Variants in NELL1 observed in about 807,000 individuals in gnomAD.
NELL1 encodes neural EGFL like 1.
NELL1 carries 76 observed loss-of-function variants against 107.4 expected under a neutral mutation model. The observed-to-expected ratio is 0.71, with a 90% confidence interval of 0.59 to 0.86. The LOEUF is 0.86. NELL1 is among the 40% of genes least tolerant of loss of function. The pLI is 0.00. For synonymous variants in NELL1, 353 were observed against 341.2 expected (o/e 1.03, Z -0.38); for missense variants, 1,024 against 1,005.5 (o/e 1.02, Z -0.25).
At chr11:20,831,512 A>C (rs1280767879) in intron 3 of NELL1, among the ~76,000 whole-genome samples, 3 of 152,230 alleles carry the variant, frequency 2.0e-5, no homozygotes, top group Non-Finnish European at 2.9e-5. Flanking sequence ...GTGGAGATGA[A>C]GAACATAACA....
At chr11:21,173,457 T>C (rs1214253060) in intron 13 of NELL1, among the ~76,000 whole-genome samples, 8 of 151,840 alleles carry the variant, frequency 5.3e-5, no homozygotes, top group Admixed American at 3.3e-4. Context: ...GAATGATACT[T>C]TTTCTTTCCT....
At chr11:21,503,001 A>G (rs973627233) in intron 15 of NELL1, among the ~76,000 whole-genome samples, 5 of 151,946 alleles carry the variant, frequency 3.3e-5, no homozygotes, top group Non-Finnish European at 7.4e-5. Context: ...TCCTGCCTCA[A>G]CCTCCCGAGT....
intron 14 of NELL1, among the ~76,000 whole-genome samples, chr11:21,334,903 A>G (rs1328359821): frequency 5.9e-5 from 9 of 151,956 alleles, no homozygotes; most frequent in Admixed American, 5.9e-4. Flanking sequence ...AGAAAAAAAC[A>G]GATAAAATGC....
intron 15 of NELL1, among the ~76,000 whole-genome samples, chr11:21,505,361 A>AAAAC (rs1419289105): frequency 9.2e-5 from 14 of 152,184 alleles, no homozygotes; most frequent in Non-Finnish European, 2.1e-4. Flanking sequence ...TGATCTTTTC[A>AAAAC]AAACAGAAAT....
chr11:21,268,028 G>A (rs887198384), intron 14 of NELL1, among the ~76,000 whole-genome samples: 3 of 151,686 alleles, frequency 2.0e-5, no homozygotes, highest in African/African-American at 7.3e-5. Flanking sequence ...TTGTCTTTTA[G>A]TTAGAAAATT....
rs1853848037 is a variant in NELL1 at position 20,669,771 on chromosome 11, C to T, written c.48C>T (p.Ala16=). 1 of 1,613,378 alleles carries T rather than the reference C, an allele frequency of 6.2e-7. No homozygotes were observed. Among genetic ancestry groups the T allele is most frequent in the Non-Finnish European group, 8.5e-7 (1 of 1,179,474 alleles). ...ILVVWFCVCT[A]RTVVGFGMDP... is the part of the protein sequence containing the mutation. The stretch of plus-strand genomic sequence containing the variant: ...TTGTGTGGTTCTGTGTGTGCACTGC[C>T]AGGACAGGTAAGCATGACTGTGGCG... Residue 16 remains alanine (A), a synonymous_variant, in exon 1 of 20, where the codon GCC becomes GCT. Transcript: ENST00000357134. The surrounding 1 kb of genome is among the most constrained non-coding windows in gnomAD (Gnocchi z 4.4).
chr11:20,888,879 T>G (rs1287913831), intron 5 of NELL1, among the ~76,000 whole-genome samples: 1 of 152,152 alleles, frequency 6.6e-6, no homozygotes, highest in South Asian at 2.1e-4. Context: ...GTCTCTCATC[T>G]CCAATGGCCT....
intron 13 of NELL1, among the ~76,000 whole-genome samples, chr11:21,121,009 C>G (rs1360133425): frequency 3.3e-5 from 5 of 152,106 alleles, no homozygotes; most frequent in Non-Finnish European, 7.4e-5. Flanking sequence ...ATTCCCAATT[C>G]TCACCTCAGG....
chr11:21,270,865 A>G (rs561704461), intron 14 of NELL1, among the ~76,000 whole-genome samples: 12 of 152,330 alleles, frequency 7.9e-5, no homozygotes, highest in South Asian at 6.2e-4. Context: ...ATGGAAATCA[A>G]TAACAGCTGG....
rs115581505 is a variant in NELL1 at position 21,396,693 on chromosome 11, T to G, written c.1645+25745T>G. Reference sequence around the variant, plus strand: ...AGAGGTTTAGATCTTTGGTAGGGTTTTAGAAAAAGTATTGCTTCTGTTTCT... The same window carrying G: ...AGAGGTTTAGATCTTTGGTAGGGTTGTAGAAAAAGTATTGCTTCTGTTTCT... On this transcript the variant is annotated intron_variant, in intron 15 of 19. Transcript: ENST00000357134. Among the ~76,000 whole-genome samples, 684 of 151,764 alleles carry G rather than the reference T, an allele frequency of 4.5e-3. 7 individuals carry two copies. The highest frequency in any genetic ancestry group is 0.016 in the African/African-American group (656 of 41,490).
At chr11:21,066,580 T>C (rs1171236955) in intron 12 of NELL1, among the ~76,000 whole-genome samples, 1 of 152,210 alleles carries the variant, frequency 6.6e-6, no homozygotes, top group Non-Finnish European at 1.5e-5. Context: ...GTTGCTATCA[T>C]TCATTCAATG....
intron 3 of NELL1, among the ~76,000 whole-genome samples, chr11:20,814,245 C>T (rs931504275): frequency 5.9e-5 from 9 of 152,182 alleles, no homozygotes; most frequent in Non-Finnish European, 1.2e-4. Flanking sequence ...CCGCCCGCCT[C>T]GGCCTCCCAA....
At chr11:21,481,994 T>C (rs910087251) in intron 15 of NELL1, among the ~76,000 whole-genome samples, 4 of 152,162 alleles carry the variant, frequency 2.6e-5, no homozygotes, top group Non-Finnish European at 5.9e-5. Flanking sequence ...ACCTTGAGCA[T>C]AGTTTATAAT....
chr11:21,295,100 A>G (rs189864329), intron 14 of NELL1, among the ~76,000 whole-genome samples: 8 of 152,220 alleles, frequency 5.3e-5, no homozygotes, highest in Admixed American at 4.6e-4. Context: ...TATGTCAGGT[A>G]TGGTTGTAAT....
chr11:21,340,654 CACACACAG>C (rs1210311479), intron 14 of NELL1, among the ~76,000 whole-genome samples: 31 of 142,350 alleles, frequency 2.2e-4, no homozygotes, highest in African/African-American at 7.8e-4. Flanking sequence ...CACACACACA[CACACACAG>C]AATGAGAGAG....
chr11:21,268,015 C>T (rs1199771371), intron 14 of NELL1, among the ~76,000 whole-genome samples: 1 of 151,708 alleles, frequency 6.6e-6, no homozygotes. Context: ...ATTTAGCCAT[C>T]CTTTGTCTTT....
At chr11:21,508,615 C>A (rs1363499924) in intron 15 of NELL1, among the ~76,000 whole-genome samples, 1 of 151,922 alleles carries the variant, frequency 6.6e-6, no homozygotes, top group East Asian at 1.9e-4. Context: ...ATTAGCAAAA[C>A]AACCTAAAAT....
intron 2 of NELL1, among the ~76,000 whole-genome samples, chr11:20,698,512 G>A (rs866677399): frequency 6.6e-6 from 1 of 152,090 alleles, no homozygotes; most frequent in African/African-American, 2.4e-5. Context: ...TTAACCTTGG[G>A]CAAATTGCTT....
In NELL1 at chr11:20,738,232, G is replaced by A. The variant is rs564149771; in HGVS notation, c.185-45448G>A. Among the ~76,000 whole-genome samples the A allele has an allele frequency of 1.2e-3, 181 of 152,238 alleles. 1 individual carries two copies. Among genetic ancestry groups the A allele is most frequent in the African/African-American group, 4.3e-3 (178 of 41,548 alleles). On this transcript the variant is annotated intron_variant, in intron 2 of 19. Coordinates refer to ENST00000357134, the MANE Select transcript of NELL1 (RefSeq NM_006157.5). ...GGATACTCCAAGCCCTGGTGGGTGG[G>A]GGGATTTTCATCAGGTTGAGAGGCT... is the stretch of plus-strand genomic sequence containing the variant.
Sources: allele counts gnomAD v4.1 joint callset (sites outside exome capture counted in the v4.1 genomes callset), GRCh38; gene constraint gnomAD v4.1.1; non-coding constraint Gnocchi (gnomAD v3.1); transcripts MANE v1.5; gene names NCBI Gene and HGNC (gene_info 2026-07-23, HGNC 2026-07-21).